LPA: variants seen among roughly 807,000 people sequenced by gnomAD.
LPA encodes the protein apolipoprotein(a).
Under a neutral mutation model 197.9 loss-of-function variants are expected in LPA, and 199 were observed. That is an observed-to-expected ratio of 1.01 (90% confidence interval 0.90 to 1.13). The LOEUF (loss-of-function observed/expected upper bound fraction) is 1.13. Among genes scored for constraint, LPA ranks in the 50% most tolerant of loss-of-function variants. The pLI is 0.00. For missense variants in LPA, 1,853 were observed against 1,785.8 expected (o/e 1.04, Z -0.68); for synonymous variants, 715 against 639.5 (o/e 1.12, Z -1.78).
chr6:160,552,253 T>C (rs1424057575), intron 30 of LPA, among the ~76,000 whole-genome samples: 1 of 152,170 alleles, frequency 6.6e-6, no homozygotes, highest in East Asian at 1.9e-4. Context: ...TAAGTCTTTA[T>C]ATTAAGGTAT....
rs1373403973 is a variant in LPA, at chr6:160,604,615, T to C, written c.2945+431A>G. 2.6e-5 allele frequency among the ~76,000 whole-genome samples: 4 copies of C among 152,102 alleles called. No individual in the cohort carries two copies. In the East Asian group the frequency reaches 7.7e-4, roughly 29 times the overall value. On this transcript the variant is annotated intron_variant, in intron 18 of 38. Coordinates refer to ENST00000316300, the MANE Select transcript of LPA (RefSeq NM_005577.4). The stretch of plus-strand genomic sequence containing the variant: ...AGACGTAGATATAGAAAGAGATAGA[T>C]TTGCCTCTCCATAGATATACATATA...
At chr6:160,642,714 TTTC>T (rs1401192092) in intron 4 of LPA, among the ~76,000 whole-genome samples, 26 of 54,090 alleles carry the variant, frequency 4.8e-4, no homozygotes, top group African/African-American at 1.6e-3. Context: ...TCGTGACAGG[TTTC>T]TTCTTATTAC....
intron 26 of LPA, among the ~76,000 whole-genome samples, chr6:160,579,652 G>T (rs369737663): frequency 1.3e-5 from 2 of 152,146 alleles, no homozygotes; most frequent in Non-Finnish European, 2.9e-5. Context: ...TCCCAAGAAC[G>T]TTGCTCCAAC....
intron 28 of LPA, among the ~76,000 whole-genome samples, chr6:160,572,442 C>T (rs1480748717): frequency 6.6e-6 from 1 of 152,126 alleles, no homozygotes; most frequent in Non-Finnish European, 1.5e-5. Context: ...TTATTGCCTC[C>T]GTACTTTGGT....
chr6:160,537,837 C>A lies in LPA; in HGVS notation c.5842+18G>T. 1 of 1,606,660 alleles carries A rather than the reference C, an allele frequency of 6.2e-7. No homozygotes were observed. The highest frequency in any genetic ancestry group is 8.5e-7 in the Non-Finnish European group (1 of 1,173,380). ...GGTCAAAAACAATTTGTTACGTGGG[C>A]AATGGAATTGATCTCACCTTGGGTT... On this transcript the variant is annotated intron_variant, in intron 37 of 38. Coordinates refer to ENST00000316300, the MANE Select transcript of LPA (RefSeq NM_005577.4).
At chr6:160,565,701 C>T (rs901820608) in intron 28 of LPA, among the ~76,000 whole-genome samples, 2 of 152,250 alleles carry the variant, frequency 1.3e-5, no homozygotes, top group Non-Finnish European at 2.9e-5. Context: ...GAGAAGAAGG[C>T]TTCAGACGAT....
At chr6:160,654,874 A>C (rs946476803) in intron 1 of LPA, among the ~76,000 whole-genome samples, 38 of 152,242 alleles carry the variant, frequency 2.5e-4, no homozygotes, top group African/African-American at 9.2e-4. Context: ...CATATCGTGC[A>C]GAACCATCTA....
intron 21 of LPA, among the ~76,000 whole-genome samples, chr6:160,594,862 T>C (rs1040605976): frequency 1.3e-5 from 2 of 152,218 alleles, no homozygotes; most frequent in Admixed American, 6.5e-5. Context: ...TTGTTGGCTA[T>C]GTACTGCTAC....
intron 21 of LPA, among the ~76,000 whole-genome samples, chr6:160,594,910 T>G (rs1361116713): frequency 6.6e-6 from 1 of 152,154 alleles, no homozygotes; most frequent in Non-Finnish European, 1.5e-5. Context: ...AAAAGTCATA[T>G]TAGGTTTCTC....
At chr6:160,648,344 AT>A (rs1779941589) in intron 2 of LPA, among the ~76,000 whole-genome samples, 1 of 152,106 alleles carries the variant, frequency 6.6e-6, no homozygotes, top group Non-Finnish European at 1.5e-5. Flanking sequence ...CATTTTAGAA[AT>A]TATTTTTCTG....
chr6:160,532,272 A>C (rs1200566506), intron 38 of LPA, among the ~76,000 whole-genome samples: 1 of 152,044 alleles, frequency 6.6e-6, no homozygotes, highest in Non-Finnish European at 1.5e-5. Flanking sequence ...ACCAGCACAC[A>C]CCAGGAAGGT....
rs575715424 is a variant in LPA at position 160,556,632 on chromosome 6, G to A, written c.4814-448C>T. Among the ~76,000 whole-genome samples, 9 of 152,186 alleles carry A rather than the reference G, an allele frequency of 5.9e-5. No individual in the cohort carries two copies. In the East Asian group the frequency reaches 1.6e-3, roughly 26 times the overall value. On this transcript the variant is annotated intron_variant, in intron 29 of 38. Transcript: ENST00000316300. ...AAAGCCTTAAGCTTCTGGTGGACGG[G>A]GCAGTTCATGGTCCTGCATCTAGTA...
intron 38 of LPA, 123 bp from the exon 39 acceptor site, chr6:160,532,013 G>A (rs1777814744): frequency 2.7e-6 from 3 of 1,116,920 alleles, no homozygotes; most frequent in African/African-American, 1.5e-5. Flanking sequence ...AGGAACTTAT[G>A]AGCATATTAC....
At chr6:160,558,152 C>T (rs1161156653) in intron 28 of LPA, among the ~76,000 whole-genome samples, 1 of 152,058 alleles carries the variant, frequency 6.6e-6, no homozygotes, top group Non-Finnish European at 1.5e-5. Flanking sequence ...ATCTCCTGAC[C>T]TCGTGATCCA....
chr6:160,586,439 G>A lies in LPA; in HGVS notation c.4129+10C>T. 1 of 1,613,280 alleles carries A rather than the reference G, an allele frequency of 6.2e-7. No individual in the cohort carries two copies. The highest frequency in any genetic ancestry group is 8.5e-7 in the Non-Finnish European group (1 of 1,179,404). ...CCGAGGGTATGGTTGTCTGACTGCA[G>A]GCTTCTTACCTTCTTCAGAAGGAAG... On this transcript the variant is annotated intron_variant, in intron 25 of 38. Transcript: ENST00000316300.
chr6:160,533,471 T>C (rs1375502980), intron 37 of LPA, among the ~76,000 whole-genome samples: 1 of 152,054 alleles, frequency 6.6e-6, no homozygotes, highest in African/African-American at 2.4e-5. Flanking sequence ...GTCTGCGGAG[T>C]CGCTGCCCAA....
At chr6:160,564,198 G>A (rs1232696738) in intron 28 of LPA, among the ~76,000 whole-genome samples, 1 of 152,182 alleles carries the variant, frequency 6.6e-6, no homozygotes, top group Non-Finnish European at 1.5e-5. Flanking sequence ...TGCAGTAGCT[G>A]TTACTGGTTT....
chr6:160,569,736 G>T (rs1438322028), intron 28 of LPA, among the ~76,000 whole-genome samples: 1 of 152,124 alleles, frequency 6.6e-6, no homozygotes, highest in Non-Finnish European at 1.5e-5. Context: ...CTACCCATCT[G>T]ACAAAGGGCT....
chr6:160,582,643 A>G lies in LPA; in HGVS notation c.4289+2403T>C, dbSNP rs548423623. Among the ~76,000 whole-genome samples, 9 of 152,220 alleles carry G rather than the reference A, an allele frequency of 5.9e-5. No homozygotes were observed. In the South Asian group the frequency reaches 1.7e-3, roughly 28 times the overall value. ...TCTATCTTTGATTATGGACAATTTA[A>G]TTATGATGTGTCCAAATAAATCATA... On this transcript the variant is annotated intron_variant, in intron 26 of 38. Coordinates refer to ENST00000316300, the MANE Select transcript of LPA (RefSeq NM_005577.4).
Sources: allele counts gnomAD v4.1 joint callset (sites outside exome capture counted in the v4.1 genomes callset), GRCh38; gene constraint gnomAD v4.1.1; transcripts MANE v1.5; gene names NCBI Gene and HGNC (gene_info 2026-07-23, HGNC 2026-07-21).